USH2A: variants seen among roughly 807,000 people sequenced by gnomAD.
USH2A encodes the protein Usher syndrome 2A (autosomal recessive, mild).
USH2A carries 443 observed loss-of-function variants against 538.9 expected under a neutral mutation model. The ratio of observed to expected loss-of-function variants is 0.82; its 90% CI spans 0.76 to 0.89. The LOEUF is 0.89. USH2A is among the 40% of genes least tolerant of loss of function. The pLI, the probability that USH2A is intolerant of heterozygous loss-of-function variation, is 0.00. For missense variants in USH2A, 6,633 were observed against 6,324.8 expected (o/e 1.05, Z -1.65); for synonymous variants, 2,413 against 2,273.5 (o/e 1.06, Z -1.75).
chr1:215,983,149 C>A (rs573309141), intron 35 of USH2A, among the ~76,000 whole-genome samples: 11 of 152,036 alleles, frequency 7.2e-5, no homozygotes, highest in African/African-American at 2.7e-4. Flanking sequence ...CGGGGTTTCG[C>A]CATGTTGGCC....
chr1:216,051,004 G>A (rs2030766144), intron 30 of USH2A, among the ~76,000 whole-genome samples: 1 of 151,910 alleles, frequency 6.6e-6, no homozygotes, highest in South Asian at 2.1e-4. Flanking sequence ...TTCCTTCTGT[G>A]ACATTGAACT....
At chr1:215,685,693 ATT>A (rs11378255) in intron 61 of USH2A, among the ~76,000 whole-genome samples, 1 of 150,552 alleles carries the variant, frequency 6.6e-6, no homozygotes, top group Non-Finnish European at 1.5e-5. Flanking sequence ...TATTATTATT[ATT>A]TTTTTACCAC....
In USH2A at chr1:215,817,169, G is replaced by A. The variant is rs1662882644; in HGVS notation, c.9398C>T (p.Pro3133Leu). The A allele has an allele frequency of 1.2e-6, 2 of 1,612,220 alleles. No homozygotes were observed. The highest frequency in any genetic ancestry group is 1.3e-5 in the African/African-American group (1 of 74,866). Residue 3133 changes from proline (P) to leucine (L), a missense_variant, in exon 48 of 72, where the codon CCA (proline) becomes CTA (leucine). Physicochemically the swap from Pro to Leu is moderately conservative, Grantham distance 98 (BLOSUM62 -3). Coordinates refer to ENST00000307340, the MANE Select transcript of USH2A (RefSeq NM_206933.4). ...SRSLQIDWVS[P>L]RKPNGIILGY... ...AAGAATGATGCCATTTGGCTTCCGT[G>A]GAGACACCCAATCAATTTGAAGAGA...
At chr1:215,820,937 T>C (rs975964543) in intron 47 of USH2A, among the ~76,000 whole-genome samples, 1 of 151,826 alleles carries the variant, frequency 6.6e-6, no homozygotes, top group Non-Finnish European at 1.5e-5. Context: ...TTTTTATGGC[T>C]GAATAAGAGT....
chr1:215,717,156 T>C lies in USH2A; in HGVS notation c.12066+10874A>G, dbSNP rs188704669. 3.3e-5 allele frequency among the ~76,000 whole-genome samples: 5 copies of C among 152,280 alleles called. No individual in the cohort carries two copies. In the East Asian group the frequency reaches 9.7e-4, roughly 29 times the overall value. On this transcript the variant is annotated intron_variant, in intron 61 of 71. Coordinates refer to ENST00000307340, the MANE Select transcript of USH2A (RefSeq NM_206933.4). ...AACCCATTAACTGCTTGGTAAAACA[T>C]TCCTTATTGGCTCTTAGACAACAAG... is the stretch of plus-strand genomic sequence containing the variant.
intron 3 of USH2A, among the ~76,000 whole-genome samples, chr1:216,379,651 A>G (rs2102731700): frequency 6.6e-6 from 1 of 152,326 alleles, no homozygotes; most frequent in Middle Eastern, 3.4e-3. Context: ...AGATTTCCCA[A>G]GGATTTCTCT....
intron 38 of USH2A, among the ~76,000 whole-genome samples, chr1:215,924,714 G>A (rs1666192183): frequency 6.6e-6 from 1 of 151,360 alleles, no homozygotes; most frequent in South Asian, 2.1e-4. Context: ...AAATATCAAT[G>A]GAACTTAAAG....
At chr1:216,118,844 A>G (rs529668221) in intron 21 of USH2A, among the ~76,000 whole-genome samples, 12 of 152,308 alleles carry the variant, frequency 7.9e-5, no homozygotes, top group Admixed American at 3.3e-4. Flanking sequence ...CCTGGATTAC[A>G]TCCACAGAAA....
intron 3 of USH2A, among the ~76,000 whole-genome samples, chr1:216,372,539 T>A (rs1003579882): frequency 1.3e-5 from 2 of 152,160 alleles, no homozygotes; most frequent in Non-Finnish European, 2.9e-5. Flanking sequence ...ATTTAATTGA[T>A]CTTTAAAAAT....
chr1:215,885,175 T>C (rs1177084657), intron 41 of USH2A, among the ~76,000 whole-genome samples: 1 of 152,140 alleles, frequency 6.6e-6, no homozygotes, highest in East Asian at 1.9e-4. Flanking sequence ...ACTTTGACTT[T>C]TTGTTAGAAA....
intron 71 of USH2A, among the ~76,000 whole-genome samples, chr1:215,627,497 CTTCCTTCT>C (rs1402225863): frequency 2.2e-4 from 31 of 140,334 alleles, no homozygotes; most frequent in African/African-American, 7.9e-4. Context: ...TCCTTCCTTC[CTTCCTTCT>C]TTCCTTCCTT....
chr1:216,201,424 T>G (rs1292093041), intron 16 of USH2A, among the ~76,000 whole-genome samples: 1 of 151,550 alleles, frequency 6.6e-6, no homozygotes, highest in Non-Finnish European at 1.5e-5. Context: ...TTCTCCTGCC[T>G]CAGTCTCCCA....
At chr1:215,946,242 A>G (rs1666754662) in intron 37 of USH2A, among the ~76,000 whole-genome samples, 1 of 152,206 alleles carries the variant, frequency 6.6e-6, no homozygotes, top group African/African-American at 2.4e-5. Context: ...GACAGTTGAG[A>G]AGCTAGAACA....
intron 4 of USH2A, among the ~76,000 whole-genome samples, chr1:216,342,940 A>G (rs191776982): frequency 9.2e-5 from 14 of 152,170 alleles, no homozygotes; most frequent in African/African-American, 3.4e-4. Flanking sequence ...CATGGCACGC[A>G]TATACCTATG....
In USH2A at chr1:216,175,338, G is replaced by A. The variant is rs762414124; in HGVS notation, c.4541C>T (p.Thr1514Ile). 1 of 1,613,764 alleles carries A rather than the reference G, an allele frequency of 6.2e-7. No individual in the cohort carries two copies. The highest frequency in any genetic ancestry group is 1.1e-5 in the South Asian group (1 of 91,080). Residue 1514 changes from threonine to isoleucine, a missense_variant, in exon 21 of 72, where the codon ACC (threonine) becomes ATC (isoleucine). Transcript: ENST00000307340. ...RRESSLPALMTTMMKGIRFIG... is the reference protein window; with the variant it reads ...RRESSLPALMITMMKGIRFIG... ...GAAACGGATTCCTTTCATCATCGTG[G>A]TCATCAGAGCTGGTAGAGATGACTC...
At chr1:216,098,606 AT>A (rs757022275) in intron 21 of USH2A, among the ~76,000 whole-genome samples, 19 of 152,170 alleles carry the variant, frequency 1.2e-4, no homozygotes, top group Non-Finnish European at 2.8e-4. Context: ...AGCAGATATC[AT>A]TTGGTGAACA....
At chr1:216,369,789 G>A (rs985806571) in intron 3 of USH2A, among the ~76,000 whole-genome samples, 1 of 151,486 alleles carries the variant, frequency 6.6e-6, no homozygotes, top group Non-Finnish European at 1.5e-5. Flanking sequence ...TGGGTGTGGT[G>A]GCACACACCT....
rs766225635 is a variant in USH2A at position 215,655,725 on chromosome 1, C to CTTTTTTTTTTTTTT, written c.14134-4938_14134-4925dup. 1.3e-3 allele frequency among the ~76,000 whole-genome samples: 129 copies of CTTTTTTTTTTTTTT among 96,194 alleles called. 4 individuals are homozygous for CTTTTTTTTTTTTTT. The highest frequency in any genetic ancestry group is 4.0e-3 in the African/African-American group (105 of 25,940). 63.1% of individuals were successfully genotyped at this position (96,194 alleles called of 152,430 possible). A position where few individuals can be genotyped will look rare whatever the true frequency, so the allele number is the denominator to read the frequency against. On this transcript the variant is annotated intron_variant, in intron 64 of 71. Coordinates refer to ENST00000307340, the MANE Select transcript of USH2A (RefSeq NM_206933.4). ...TGCTTCTGTTACTGTGCTAGTTATT[C>CTTTTTTTTTTTTTT]TTTTTTTTTTTTTTTTTTTTTTTTC...
intron 9 of USH2A, among the ~76,000 whole-genome samples, chr1:216,318,807 T>G (rs1323970975): frequency 6.6e-6 from 1 of 152,194 alleles, no homozygotes; most frequent in Non-Finnish European, 1.5e-5. Context: ...TAATCCAACA[T>G]TCACCACCTG....
Sources: allele counts gnomAD v4.1 joint callset (sites outside exome capture counted in the v4.1 genomes callset), GRCh38; gene constraint gnomAD v4.1.1; transcripts MANE v1.5; gene names NCBI Gene and HGNC (gene_info 2026-07-23, HGNC 2026-07-21).